The following MACROD2 variants were observed in gnomAD, a reference collection of about 807,000 sequenced individuals.
MACROD2 encodes the protein ADP-ribose glycohydrolase MACROD2.
In MACROD2, 36 loss-of-function variants were observed where a neutral mutation model predicts 70.4. The observed-to-expected ratio is 0.51, with a 90% CI of 0.39 to 0.68. The LOEUF is 0.68. Ranked by LOEUF, MACROD2 falls within the 30% of genes least tolerant of loss-of-function variation. The pLI is 0.00. For missense variants in MACROD2, 496 were observed against 538.4 expected (o/e 0.92, Z 0.78); for synonymous variants, 172 against 178.8 (o/e 0.96, Z 0.30).
intron 5 of MACROD2, among the ~76,000 whole-genome samples, chr20:14,923,310 C>T (rs981822214): frequency 6.6e-6 from 1 of 152,160 alleles, no homozygotes; most frequent in Admixed American, 6.5e-5. Context: ...TGATCAATTA[C>T]AAATTTGTAT....
intron 8 of MACROD2, among the ~76,000 whole-genome samples, chr20:15,713,687 T>C (rs2050661768): frequency 6.6e-6 from 1 of 152,060 alleles, no homozygotes; most frequent in African/African-American, 2.4e-5. Context: ...CAGGCTCCAC[T>C]TCCAACATTG....
At chr20:15,630,702 CCCTTT>C (rs1176946777) in intron 8 of MACROD2, among the ~76,000 whole-genome samples, 5 of 152,210 alleles carry the variant, frequency 3.3e-5, no homozygotes, top group African/African-American at 1.2e-4. Flanking sequence ...TAGATGCATG[CCCTTT>C]GGCCGTGCAC....
At chr20:15,352,813 T>G (rs1268632767) in intron 6 of MACROD2, among the ~76,000 whole-genome samples, 1 of 151,884 alleles carries the variant, frequency 6.6e-6, no homozygotes, top group African/African-American at 2.4e-5. Flanking sequence ...AAGGACCTCT[T>G]CAAGGAGAAC....
chr20:14,363,644 C>A (rs1477236130), intron 3 of MACROD2, among the ~76,000 whole-genome samples: 5 of 150,210 alleles, frequency 3.3e-5, no homozygotes, highest in South Asian at 4.2e-4. Context: ...CACAGTGAAA[C>A]CCTGTCTGTA....
intron 10 of MACROD2, among the ~76,000 whole-genome samples, chr20:15,931,646 TAAA>T (rs11476734): frequency 1.4e-5 from 2 of 140,876 alleles, no homozygotes; most frequent in Non-Finnish European, 1.6e-5. Context: ...CTGTGTCTAT[TAAA>T]AAAAAAAAAA....
chr20:15,207,507 A>G (rs1449906605), intron 5 of MACROD2, among the ~76,000 whole-genome samples: 1 of 131,304 alleles, frequency 7.6e-6, no homozygotes, highest in Non-Finnish European at 1.5e-5. Flanking sequence ...CAGTGGCATG[A>G]TCTCAGCTTA....
At chr20:14,821,457 C>T (rs189545650) in intron 5 of MACROD2, among the ~76,000 whole-genome samples, 4 of 152,086 alleles carry the variant, frequency 2.6e-5, no homozygotes, top group African/African-American at 9.6e-5. Flanking sequence ...TCTGTAAAAT[C>T]CTGGTTTAAT....
At chr20:14,468,396 G>A (rs183059200) in intron 3 of MACROD2, among the ~76,000 whole-genome samples, 34 of 145,030 alleles carry the variant, frequency 2.3e-4, no homozygotes, top group African/African-American at 6.6e-4. Context: ...ATCTTTCTTC[G>A]TTTAAAGTCT....
At chr20:14,051,092 T>G (rs1393661511) in intron 2 of MACROD2, among the ~76,000 whole-genome samples, 2 of 152,176 alleles carry the variant, frequency 1.3e-5, no homozygotes, top group African/African-American at 2.4e-5. Context: ...ACAGTATGCA[T>G]AGTATGGTAT....
At chr20:14,555,528 G>T (rs769081151) in intron 4 of MACROD2, among the ~76,000 whole-genome samples, 2 of 151,994 alleles carry the variant, frequency 1.3e-5, no homozygotes, top group Non-Finnish European at 2.9e-5. Context: ...AAAGCAAACG[G>T]AGCCCATATG....
chr20:16,019,425 G>A (rs1047617341), intron 15 of MACROD2, among the ~76,000 whole-genome samples: 1 of 152,144 alleles, frequency 6.6e-6, no homozygotes, highest in South Asian at 2.1e-4. Context: ...GGAAAAGGAG[G>A]AGTACAGTCA....
intron 6 of MACROD2, among the ~76,000 whole-genome samples, chr20:15,385,659 A>T (rs2045703320): frequency 6.6e-6 from 1 of 152,106 alleles, no homozygotes; most frequent in African/African-American, 2.4e-5. Flanking sequence ...TAGGTCCATT[A>T]ATTTTCTGTG....
chr20:15,174,387 T>A (rs1285457440), intron 5 of MACROD2, among the ~76,000 whole-genome samples: 2 of 152,246 alleles, frequency 1.3e-5, no homozygotes, highest in Non-Finnish European at 2.9e-5. Flanking sequence ...CCACATTTTC[T>A]TAATCCAGTC....
chr20:14,660,103 G>A (rs138172537), intron 4 of MACROD2, among the ~76,000 whole-genome samples: 36 of 152,276 alleles, frequency 2.4e-4, no homozygotes, highest in South Asian at 1.2e-3. Flanking sequence ...AAAGCATATT[G>A]ATAAATACAG....
intron 3 of MACROD2, among the ~76,000 whole-genome samples, chr20:14,412,076 G>A (rs1219329590): frequency 6.6e-6 from 1 of 152,120 alleles, no homozygotes; most frequent in East Asian, 1.9e-4. Context: ...TTTCTGTGAA[G>A]AATTCTGTCT....
intron 8 of MACROD2, among the ~76,000 whole-genome samples, chr20:15,603,422 C>T (rs756828735): frequency 5.3e-5 from 8 of 150,040 alleles, no homozygotes; most frequent in Admixed American, 2.7e-4. Context: ...GCAGGAGAAT[C>T]GCTTGAACCC....
intron 5 of MACROD2, among the ~76,000 whole-genome samples, chr20:14,708,712 C>T (rs560146291): frequency 9.9e-5 from 15 of 152,076 alleles, no homozygotes; most frequent in African/African-American, 1.4e-4. Flanking sequence ...CCCCCTCCCA[C>T]GTTCAAGCGA....
intron 5 of MACROD2, among the ~76,000 whole-genome samples, chr20:14,920,532 A>T (rs750918975): frequency 2.2e-4 from 33 of 152,264 alleles, no homozygotes; most frequent in Admixed American, 7.9e-4. Context: ...TTGCGCTCTC[A>T]TTTAATTTTT....
At chr20:14,369,678 A>G (rs1189918033) in intron 3 of MACROD2, among the ~76,000 whole-genome samples, 2 of 152,006 alleles carry the variant, frequency 1.3e-5, no homozygotes, top group Non-Finnish European at 2.9e-5. Flanking sequence ...TATAATGTGC[A>G]CTGTCCGTTG....
Sources: allele counts gnomAD v4.1 joint callset (sites outside exome capture counted in the v4.1 genomes callset), GRCh38; gene constraint gnomAD v4.1.1; transcripts MANE v1.5; gene names NCBI Gene and HGNC (gene_info 2026-07-23, HGNC 2026-07-21).